HIP1: variants seen among roughly 807,000 people sequenced by gnomAD.
HIP1 encodes huntingtin interacting protein 1.
HIP1 carries 65 observed loss-of-function variants against 147.6 expected under a neutral mutation model. The ratio of observed to expected loss-of-function variants is 0.44; its 90% CI spans 0.36 to 0.54. The LOEUF (loss-of-function observed/expected upper bound fraction) is 0.54. HIP1 is among the 20% of genes least tolerant of loss of function. HIP1 has a pLI of 0.00. For synonymous variants in HIP1, 479 were observed against 504.0 expected, an observed-to-expected ratio of 0.95 and a Z score of 0.67; for missense variants, 1,061 against 1,299.6, an observed-to-expected ratio of 0.82 and a Z score of 2.82.
chr7:75,540,432 CAAA>C lies in HIP1; in HGVS notation c.2953-1004_2953-1002del, dbSNP rs57415264. On this transcript the variant is annotated intron_variant, in intron 29 of 30. Transcript: ENST00000336926. ...TAGGCAACAGAGCAAGACTCGGTCT[CAAA>C]AAAAAAAAAAAAAAAGAAGGAAAAA... Among the ~76,000 whole-genome samples the C allele has an allele frequency of 1.7e-3, 218 of 127,308 alleles. 1 individual carries two copies. Among genetic ancestry groups the C allele is most frequent in the South Asian group, 0.012 (45 of 3,910 alleles). 83.5% of individuals were successfully genotyped at this position (127,308 alleles called of 152,430 possible).
chr7:75,581,105 G>C, intron 7 of HIP1, 132 bp downstream of exon 7: 2 of 676,834 alleles, frequency 3.0e-6, no homozygotes, highest in Non-Finnish European at 5.3e-6. Context: ...ACGAGGGTTG[G>C]AGAGACCAGA....
At chr7:75,553,056 C>T (rs1034389271) in intron 22 of HIP1, among the ~76,000 whole-genome samples, 1 of 151,806 alleles carries the variant, frequency 6.6e-6, no homozygotes, top group Admixed American at 6.6e-5. Flanking sequence ...CTCTTGACTC[C>T]ACCTCCCAGT....
At chr7:75,665,470 T>C (rs919832000) in intron 1 of HIP1, among the ~76,000 whole-genome samples, 1 of 151,932 alleles carries the variant, frequency 6.6e-6, no homozygotes, top group Non-Finnish European at 1.5e-5. Context: ...TCCAGTGGGA[T>C]GTGGAGGCCA....
intron 9 of HIP1, 156 bp from the exon 10 acceptor site, chr7:75,563,419 T>C (rs1795299150): frequency 6.4e-6 from 4 of 626,872 alleles, no homozygotes; most frequent in South Asian, 5.7e-5. Context: ...ATTATGATGC[T>C]GCAGAGGATT....
chr7:75,663,328 G>A lies in HIP1; in HGVS notation c.121-64081C>T, dbSNP rs143371786. Among the ~76,000 whole-genome samples the A allele has an allele frequency of 2.7e-3, 415 of 152,240 alleles. 3 individuals are homozygous for A. The highest frequency in any genetic ancestry group is 3.5e-3 in the Non-Finnish European group (241 of 68,024). ...AAATATAATGTCCAGACCAGGAGGG[G>A]TGGCGTACACCTATAGTCCCAGCTA... On this transcript the variant is annotated intron_variant, in intron 1 of 30. Coordinates refer to ENST00000336926, the MANE Select transcript of HIP1 (RefSeq NM_005338.7).
intron 1 of HIP1, among the ~76,000 whole-genome samples, chr7:75,718,985 C>T (rs1801407655): frequency 6.6e-6 from 1 of 152,026 alleles, no homozygotes; most frequent in South Asian, 2.1e-4. Flanking sequence ...CATTAATCTA[C>T]TTTTCCAACA....
chr7:75,703,010 T>C (rs1218729604), intron 1 of HIP1, among the ~76,000 whole-genome samples: 3 of 152,014 alleles, frequency 2.0e-5, no homozygotes, highest in Admixed American at 6.6e-5. Flanking sequence ...ATCCAAACTG[T>C]AGCGGGAATT....
intron 1 of HIP1, among the ~76,000 whole-genome samples, chr7:75,681,327 T>C (rs1800060022): frequency 6.6e-6 from 1 of 152,050 alleles, no homozygotes; most frequent in Non-Finnish European, 1.5e-5. Flanking sequence ...GCATCTTCTC[T>C]ACCTTCTGGC....
In HIP1 at chr7:75,671,909, G is replaced by A. The variant is rs369786885; in HGVS notation, c.120+66892C>T. 7.9e-5 allele frequency among the ~76,000 whole-genome samples: 12 copies of A among 152,074 alleles called. No individual in the cohort carries two copies. In the East Asian group the frequency reaches 1.9e-3, roughly 25 times the overall value. On this transcript the variant is annotated intron_variant, in intron 1 of 30. Coordinates refer to ENST00000336926, the MANE Select transcript of HIP1 (RefSeq NM_005338.7). The stretch of plus-strand genomic sequence containing the variant: ...GTCACCATGCCTGGCTAATTTTTGA[G>A]TTTTCAGTAGAGATAGATTTTCACC...
At chr7:75,677,115 A>T (rs1465617593) in intron 1 of HIP1, among the ~76,000 whole-genome samples, 1 of 151,410 alleles carries the variant, frequency 6.6e-6, no homozygotes, top group East Asian at 2.0e-4. Flanking sequence ...GAATCGCTTG[A>T]ACCTGGGAGA....
intron 1 of HIP1, among the ~76,000 whole-genome samples, chr7:75,660,251 G>A (rs1584928037): frequency 1.3e-5 from 2 of 151,004 alleles, no homozygotes; most frequent in African/African-American, 4.9e-5. Context: ...CATGGGCCTG[G>A]AGCAGTGGTT....
Position 75,568,763 on chromosome 7 carries a change from C to T in HIP1, c.746-507G>A, listed in dbSNP as rs1479365009. On this transcript the variant is annotated intron_variant, in intron 8 of 30. Transcript: ENST00000336926. The surrounding 1 kb of genome is among the most constrained non-coding windows in gnomAD (Gnocchi z 4.1). Reference sequence around the variant, plus strand: ...GTGGCTCACGCATGTAATCCCAGCACTTTGGGAGGCTGAGGCAGGAGAATC... The same window carrying T: ...GTGGCTCACGCATGTAATCCCAGCATTTTGGGAGGCTGAGGCAGGAGAATC... Among the ~76,000 whole-genome samples, 1 of 152,168 alleles carries T rather than the reference C, an allele frequency of 6.6e-6. No individual in the cohort carries two copies.
chr7:75,628,648 T>C (rs1437307949), intron 1 of HIP1, among the ~76,000 whole-genome samples: 3 of 152,164 alleles, frequency 2.0e-5, no homozygotes, highest in Non-Finnish European at 2.9e-5. Context: ...CCGGCTAATT[T>C]TTGTATTTTT....
intron 9 of HIP1, among the ~76,000 whole-genome samples, chr7:75,565,846 CT>C (rs1795383196): frequency 1.3e-5 from 2 of 151,466 alleles, no homozygotes; most frequent in African/African-American, 4.9e-5. Context: ...ATTCTCCTGC[CT>C]CAGCCTCCTG....
intron 14 of HIP1, among the ~76,000 whole-genome samples, chr7:75,559,142 C>T: frequency 6.6e-6 from 1 of 152,294 alleles, no homozygotes; most frequent in South Asian, 2.1e-4. Flanking sequence ...TTTTTAGAGA[C>T]AAGGCTCTCT....
intron 1 of HIP1, among the ~76,000 whole-genome samples, chr7:75,614,706 A>G (rs1268136670): frequency 6.6e-6 from 1 of 152,134 alleles, no homozygotes; most frequent in Non-Finnish European, 1.5e-5. Flanking sequence ...AATTTGTTAC[A>G]ATAGCGAATT....
intron 23 of HIP1, among the ~76,000 whole-genome samples, 161 bp downstream of exon 23, chr7:75,548,716 ATCCTCCCAAGGTGC>A (rs1177967737): frequency 6.6e-6 from 1 of 151,750 alleles, no homozygotes. Flanking sequence ...GACTCAAGTG[ATCCTCCCAAGGTGC>A]TGGGGTTACA....
At chr7:75,558,752 C>T (rs1795112495) in intron 14 of HIP1, among the ~76,000 whole-genome samples, 1 of 152,054 alleles carries the variant, frequency 6.6e-6, no homozygotes, top group African/African-American at 2.4e-5. Context: ...AGCGAGGTGG[C>T]TCATGCCTAT....
chr7:75,563,754 C>T (rs1478095083), intron 9 of HIP1, among the ~76,000 whole-genome samples: 1 of 152,204 alleles, frequency 6.6e-6, no homozygotes, highest in Non-Finnish European at 1.5e-5. Context: ...GAAGTGGGGA[C>T]TGAGCTCCGC....
Sources: gnomAD v4.1 joint callset for allele counts (sites outside exome capture counted in the v4.1 genomes callset) on GRCh38, gnomAD v4.1.1 for gene constraint, Gnocchi (gnomAD v3.1) non-coding constraint, MANE v1.5 for transcripts, NCBI Gene and HGNC (gene_info 2026-07-23, HGNC 2026-07-21) for gene names.